PAM: variants seen among roughly 807,000 people sequenced by gnomAD.
PAM encodes peptidyl-glycine alpha-amidating monooxygenase.
PAM carries 72 observed loss-of-function variants against 122.1 expected under a neutral mutation model. The ratio of observed to expected loss-of-function variants is 0.59; its 90% CI spans 0.49 to 0.72. The LOEUF (loss-of-function observed/expected upper bound fraction) is 0.72, where lower values mean the gene tolerates loss of function less well. Ranked by LOEUF, PAM falls within the 30% of genes least tolerant of loss-of-function variation. PAM has a pLI of 0.00. For missense variants in PAM, 1,106 were observed against 1,183.7 expected (o/e 0.93, Z 0.96); for synonymous variants, 389 against 404.4 (o/e 0.96, Z 0.46).
chr5:102,991,737 A>G (rs567020371), intron 16 of PAM, among the ~76,000 whole-genome samples: 96 of 152,272 alleles, frequency 6.3e-4, no homozygotes, highest in African/African-American at 2.2e-3. Flanking sequence ...AAATAATCAA[A>G]CTCAACATTC....
At chr5:102,889,383 A>G (rs1794094242) in intron 3 of PAM, among the ~76,000 whole-genome samples, 1 of 151,906 alleles carries the variant, frequency 6.6e-6, no homozygotes, top group Admixed American at 6.6e-5. Flanking sequence ...TCTCATGGTT[A>G]TAACAGTTTC....
intron 7 of PAM, among the ~76,000 whole-genome samples, chr5:102,942,152 TG>T (rs1323962709): frequency 1.3e-5 from 2 of 152,250 alleles, no homozygotes; most frequent in Non-Finnish European, 2.9e-5. Flanking sequence ...GTGTTGGATC[TG>T]TTAGGAGACC....
rs1758090927 is a variant in PAM at position 102,949,532 on chromosome 5, C to T, written c.644-5C>T. ...GACTTTTGTCTGTGTTTTCATTTCC[C>T]ACAGTGGTGAATTCTGACATTTCAT... On this transcript the variant is annotated splice_region_variant and splice_polypyrimidine_tract_variant and intron_variant, in intron 9 of 25. Coordinates refer to ENST00000438793, the MANE Select transcript of PAM (RefSeq NM_001177306.2). 1 of 1,438,534 alleles carries T rather than the reference C, an allele frequency of 7.0e-7. No homozygotes were observed. The highest frequency in any genetic ancestry group is 9.8e-7 in the Non-Finnish European group (1 of 1,020,362). 89.1% of individuals were successfully genotyped at this position (1,438,534 alleles called of 1,614,324 possible). A position where few individuals can be genotyped will look rare whatever the true frequency, so the allele number is the denominator to read the frequency against.
At chr5:102,815,002 A>G (rs966017885) in intron 1 of PAM, among the ~76,000 whole-genome samples, 1 of 151,878 alleles carries the variant, frequency 6.6e-6, no homozygotes, top group Non-Finnish European at 1.5e-5. Flanking sequence ...GCTGTTCTAA[A>G]CCTAGTCCTT....
intron 3 of PAM, among the ~76,000 whole-genome samples, chr5:102,888,004 G>A (rs1430978015): frequency 1.3e-5 from 2 of 151,890 alleles, no homozygotes; most frequent in African/African-American, 4.8e-5. Flanking sequence ...CTCTTTTTCA[G>A]GGTAACCTTC....
At chr5:102,866,435 C>T (rs1171240598) in intron 2 of PAM, 151 bp downstream of exon 2, 2 of 629,616 alleles carry the variant, frequency 3.2e-6, no homozygotes, top group Non-Finnish European at 5.8e-6. Flanking sequence ...TGAAGTCCCC[C>T]GTGCAGAAAA....
chr5:102,879,048 C>G (rs1790122597), intron 3 of PAM, among the ~76,000 whole-genome samples: 1 of 152,078 alleles, frequency 6.6e-6, no homozygotes, highest in African/African-American at 2.4e-5. Context: ...CCTGCCTCAG[C>G]CTCCCGAGTA....
intron 1 of PAM, among the ~76,000 whole-genome samples, chr5:102,793,824 GAGA>G (rs1762674748): frequency 6.6e-6 from 1 of 152,224 alleles, no homozygotes; most frequent in African/African-American, 2.4e-5. Flanking sequence ...ATTATAGTAA[GAGA>G]AGATTACTTT....
intron 1 of PAM, among the ~76,000 whole-genome samples, chr5:102,780,252 G>C (rs1479779099): frequency 6.6e-6 from 1 of 152,018 alleles, no homozygotes; most frequent in African/African-American, 2.4e-5. Flanking sequence ...TTTACTGGGA[G>C]TGTTGGAAGA....
At chr5:102,996,223 A>T (rs777250752) in intron 16 of PAM, among the ~76,000 whole-genome samples, 1 of 152,246 alleles carries the variant, frequency 6.6e-6, no homozygotes, top group Non-Finnish European at 1.5e-5. Context: ...CCCATAGGCC[A>T]CAGTTCAGTC....
intron 1 of PAM, among the ~76,000 whole-genome samples, chr5:102,802,337 T>C (rs1438037559): frequency 6.6e-6 from 1 of 152,166 alleles, no homozygotes; most frequent in Admixed American, 6.5e-5. Flanking sequence ...ATATTAAAGT[T>C]AATCAACTCT....
At chr5:102,951,135 A>C (rs1435795523) in intron 12 of PAM, among the ~76,000 whole-genome samples, 2 of 151,858 alleles carry the variant, frequency 1.3e-5, no homozygotes, top group African/African-American at 2.4e-5. Flanking sequence ...GATAATGAAA[A>C]TTTTTTTTCT....
chr5:102,916,354 A>G (rs1029763780), intron 5 of PAM, among the ~76,000 whole-genome samples: 8 of 152,108 alleles, frequency 5.3e-5, no homozygotes, highest in African/African-American at 1.4e-4. Flanking sequence ...TTGAGTAATT[A>G]CAATTCTTAA....
At chr5:102,804,359 C>T (rs1454973637) in intron 1 of PAM, among the ~76,000 whole-genome samples, 1 of 151,746 alleles carries the variant, frequency 6.6e-6, no homozygotes, top group East Asian at 1.9e-4. Context: ...GTCAGGGAAG[C>T]CAGAACATTA....
chr5:102,910,168 T>C (rs953836786), intron 4 of PAM, among the ~76,000 whole-genome samples: 1 of 151,796 alleles, frequency 6.6e-6, no homozygotes, highest in Non-Finnish European at 1.5e-5. Flanking sequence ...TAAATGACAT[T>C]CTCCCCCAGG....
At chr5:102,800,540 G>A (rs1764431555) in intron 1 of PAM, among the ~76,000 whole-genome samples, 2 of 152,184 alleles carry the variant, frequency 1.3e-5, no homozygotes, top group Non-Finnish European at 2.9e-5. Flanking sequence ...GGCCCAGGGA[G>A]GTTAAGTAGC....
intron 1 of PAM, among the ~76,000 whole-genome samples, chr5:102,771,897 A>G (rs937188009): frequency 6.6e-5 from 10 of 152,124 alleles, no homozygotes; most frequent in Non-Finnish European, 1.5e-4. Context: ...AGAAATGTTT[A>G]TGTTTTCTTG....
chr5:102,907,413 A>G (rs1483057726), intron 4 of PAM, among the ~76,000 whole-genome samples: 2 of 151,516 alleles, frequency 1.3e-5, no homozygotes, highest in African/African-American at 2.4e-5. Flanking sequence ...GCTATTGTGA[A>G]TAGTGCCGCA....
intron 5 of PAM, among the ~76,000 whole-genome samples, chr5:102,919,859 T>C (rs937245525): frequency 3.3e-5 from 5 of 152,068 alleles, no homozygotes; most frequent in African/African-American, 1.2e-4. Flanking sequence ...GGATTAAAGG[T>C]GTTAATAGGA....
Sources: allele counts gnomAD v4.1 joint callset (sites outside exome capture counted in the v4.1 genomes callset), GRCh38; gene constraint gnomAD v4.1.1; transcripts MANE v1.5; gene names NCBI Gene and HGNC (gene_info 2026-07-23, HGNC 2026-07-21).